Variants in DAB1 observed in about 807,000 individuals in gnomAD.
DAB1 encodes disabled homolog 1.
DAB1 carries 15 observed loss-of-function variants against 64.6 expected under a neutral mutation model. The ratio of observed to expected loss-of-function variants is 0.23; its 90% CI spans 0.16 to 0.36. The LOEUF is 0.36. Ranked by LOEUF, DAB1 falls within the 10% of genes least tolerant of loss-of-function variation. DAB1 has a pLI of 1.00. For missense variants in DAB1, 596 were observed against 706.7 expected (o/e 0.84, Z 1.78); for synonymous variants, 235 against 251.9 (o/e 0.93, Z 0.64).
intron 7 of DAB1, among the ~76,000 whole-genome samples, chr1:57,549,863 T>C (rs1644895074): frequency 6.6e-6 from 1 of 152,176 alleles, no homozygotes; most frequent in African/African-American, 2.4e-5. Context: ...GGGATGGTTC[T>C]AAGTACCAGA....
At chr1:57,624,805 A>G (rs1269584744) in intron 7 of DAB1, among the ~76,000 whole-genome samples, 1 of 152,230 alleles carries the variant, frequency 6.6e-6, no homozygotes, top group African/African-American at 2.4e-5. Flanking sequence ...GTTTTCCTAC[A>G]TATGCTGGCA....
chr1:57,374,335 G>A (rs1042883203), intron 1 of DAB1, among the ~76,000 whole-genome samples: 11 of 152,026 alleles, frequency 7.2e-5, no homozygotes, highest in Non-Finnish European at 1.3e-4. Context: ...TAATTTCAAT[G>A]CCTTATTTAC....
intron 1 of DAB1, chr1:58,541,614 C>CAAAAAAAAAAAAAAAAAAAAAAAACAAA (rs1646617566): frequency 1.5e-5 from 1 of 65,622 alleles, no homozygotes; most frequent in African/African-American, 5.9e-5. Context: ...GAGAACCTGT[C>CAAAAAAAAAAAAAAAAAAAAAAAACAAA]AAAAAAAAAA....
intron 5 of DAB1, among the ~76,000 whole-genome samples, chr1:58,049,657 T>G (rs1647499600): frequency 2.0e-5 from 3 of 152,360 alleles, no homozygotes; most frequent in Admixed American, 1.3e-4. Flanking sequence ...TGTTATTTGC[T>G]ATATGACCTT....
intron 7 of DAB1, among the ~76,000 whole-genome samples, chr1:57,509,151 T>C (rs971211438): frequency 6.6e-6 from 1 of 152,166 alleles, no homozygotes; most frequent in Non-Finnish European, 1.5e-5. Context: ...ACAAATTATT[T>C]AGATTTTCTG....
At chr1:57,154,186 CCCCACTA>C (rs1659989755) in intron 2 of DAB1, among the ~76,000 whole-genome samples, 1 of 152,150 alleles carries the variant, frequency 6.6e-6, no homozygotes, top group African/African-American at 2.4e-5. Context: ...CCACTGCAGC[CCCCACTA>C]CCCTTCCCAG....
chr1:57,912,603 C>A lies in DAB1; in HGVS notation n.388-28441G>T, dbSNP rs1259966677. Among the ~76,000 whole-genome samples, 4 of 152,138 alleles carry A rather than the reference C, an allele frequency of 2.6e-5. No individual in the cohort carries two copies. The East Asian group carries it at 5.8e-4, about 22-fold the overall frequency. On this transcript the variant is annotated intron_variant and non_coding_transcript_variant, in intron 5 of 20. Transcript: ENST00000485760. ...GGAAGTTCTGGCCAGGGCAATCAGG[C>A]AGGAGAAGGAAATAAAGGGTATTCA...
chr1:57,246,193 C>T lies in DAB1; in HGVS notation c.67+44771G>A, dbSNP rs1456447079. Reference sequence around the variant, plus strand: ...CAGGGTATTTCAGAGATCTTCGCAGCAGCCTCTCCCATCACAGGCCTAGAG... The same window carrying T: ...CAGGGTATTTCAGAGATCTTCGCAGTAGCCTCTCCCATCACAGGCCTAGAG... On this transcript the variant is annotated intron_variant, in intron 2 of 14. Transcript: ENST00000371236. Among the ~76,000 whole-genome samples the T allele has an allele frequency of 2.0e-5, 3 of 152,216 alleles. No homozygotes were observed. The East Asian group carries it at 5.8e-4, about 29-fold the overall frequency.
intron 4 of DAB1, among the ~76,000 whole-genome samples, chr1:57,077,875 C>T (rs550419468): frequency 2.4e-4 from 36 of 151,144 alleles, no homozygotes; most frequent in African/African-American, 8.8e-4. Flanking sequence ...TTTCCCGAGG[C>T]AATACTATTC....
At chr1:57,730,824 T>C (rs1647377915) in intron 6 of DAB1, among the ~76,000 whole-genome samples, 1 of 152,140 alleles carries the variant, frequency 6.6e-6, no homozygotes, top group South Asian at 2.1e-4. Flanking sequence ...CCCAGAAAAT[T>C]ATAAGTGTTG....
intron 4 of DAB1, among the ~76,000 whole-genome samples, chr1:57,114,690 A>G (rs1655955344): frequency 6.6e-6 from 1 of 152,158 alleles, no homozygotes; most frequent in Non-Finnish European, 1.5e-5. Flanking sequence ...TCACTCAGAT[A>G]TTTTACTCTG....
At chr1:58,149,517 T>C (rs943104609) in intron 5 of DAB1, among the ~76,000 whole-genome samples, 1 of 152,170 alleles carries the variant, frequency 6.6e-6, no homozygotes, top group African/African-American at 2.4e-5. Flanking sequence ...GTTTCCTGAA[T>C]ACTAAACCGG....
intron 2 of DAB1, among the ~76,000 whole-genome samples, chr1:57,287,807 T>TTTATTTATTTATTTAA (rs1338832092): frequency 6.7e-6 from 1 of 150,044 alleles, no homozygotes; most frequent in Non-Finnish European, 1.5e-5. Context: ...TATTTATTTA[T>TTTATTTATTTATTTAA]TTATTTGAGA....
At chr1:58,243,084 G>A (rs1276077169) in intron 4 of DAB1, among the ~76,000 whole-genome samples, 3 of 152,028 alleles carry the variant, frequency 2.0e-5, no homozygotes, top group African/African-American at 7.2e-5. Flanking sequence ...TTAGTACTTT[G>A]TCCATGGTGA....
At chr1:57,654,811 A>C (rs1646297667) in intron 6 of DAB1, among the ~76,000 whole-genome samples, 1 of 152,114 alleles carries the variant, frequency 6.6e-6, no homozygotes, top group African/African-American at 2.4e-5. Flanking sequence ...TAAACACTTA[A>C]TTTCCCTTTA....
At chr1:57,180,522 G>T (rs1446300005) in intron 2 of DAB1, among the ~76,000 whole-genome samples, 1 of 152,048 alleles carries the variant, frequency 6.6e-6, no homozygotes, top group Non-Finnish European at 1.5e-5. Flanking sequence ...GCGGATGGGG[G>T]GTAAAGATTT....
intron 2 of DAB1, among the ~76,000 whole-genome samples, chr1:57,226,472 C>T (rs1371123263): frequency 2.0e-5 from 3 of 152,016 alleles, no homozygotes; most frequent in Non-Finnish European, 4.4e-5. Context: ...TGCTAAGCTC[C>T]ATAGGCTCTA....
chr1:57,496,345 A>T (rs142403135), intron 7 of DAB1, among the ~76,000 whole-genome samples: 1 of 152,248 alleles, frequency 6.6e-6, no homozygotes, highest in Non-Finnish European at 1.5e-5. Context: ...ACAGGAGAGA[A>T]CTTGCAATAA....
chr1:57,293,670 T>C (rs529655150), intron 1 of DAB1, among the ~76,000 whole-genome samples: 21 of 152,202 alleles, frequency 1.4e-4, no homozygotes, highest in Non-Finnish European at 2.6e-4. Context: ...GGATGAATTG[T>C]AGGAAATGGT....
Sources: gnomAD v4.1 joint callset for allele counts (sites outside exome capture counted in the v4.1 genomes callset) on GRCh38, gnomAD v4.1.1 for gene constraint, MANE v1.5 for transcripts, NCBI Gene and HGNC (gene_info 2026-07-23, HGNC 2026-07-21) for gene names.